The following SYNPR variants were observed in gnomAD, a reference collection of about 807,000 sequenced individuals.
SYNPR encodes synaptoporin.
In SYNPR, 23 loss-of-function variants were observed where a neutral mutation model predicts 32.9. The observed-to-expected ratio is 0.70, with a 90% confidence interval of 0.50 to 0.99. The LOEUF is 0.99. Among genes scored for constraint, SYNPR ranks in the 50% least tolerant of loss-of-function variants. SYNPR has a pLI of 0.00. For synonymous variants in SYNPR, 146 were observed against 135.9 expected (o/e 1.07, Z -0.52); for missense variants, 318 against 349.3 (o/e 0.91, Z 0.71).
rs567387238 is a variant in SYNPR, at chr3:63,300,091, A to G, written c.84+21349A>G. Among the ~76,000 whole-genome samples the G allele has an allele frequency of 1.6e-4, 24 of 152,158 alleles. 1 individual carries two copies. The South Asian group carries it at 2.7e-3, about 17-fold the overall frequency. ...ACTATGGTACTCAAGAGTGATTTGG[A>G]TATGTTTTTGATAATGGTTCCAAGC... On this transcript the variant is annotated intron_variant, in intron 2 of 5. Coordinates refer to ENST00000478300, the MANE Select transcript of SYNPR (RefSeq NM_001130003.2).
intron 2 of SYNPR, among the ~76,000 whole-genome samples, chr3:63,284,931 T>C (rs2086666526): frequency 6.6e-6 from 1 of 152,178 alleles, no homozygotes; most frequent in Non-Finnish European, 1.5e-5. Flanking sequence ...TCCAGGAGGC[T>C]CAAAGATGTT....
intron 2 of SYNPR, among the ~76,000 whole-genome samples, chr3:63,421,030 A>G (rs1699788949): frequency 6.6e-6 from 1 of 152,078 alleles, no homozygotes; most frequent in Non-Finnish European, 1.5e-5. Context: ...ACAGGCACAT[A>G]CCACCATGCC....
At chr3:63,592,096 A>G (rs1009116240) in intron 4 of SYNPR, among the ~76,000 whole-genome samples, 1 of 151,926 alleles carries the variant, frequency 6.6e-6, no homozygotes. Context: ...AGAAGAGACA[A>G]TGATACACAC....
At chr3:63,577,527 TA>T (rs1247499066) in intron 4 of SYNPR, among the ~76,000 whole-genome samples, 2 of 152,080 alleles carry the variant, frequency 1.3e-5, no homozygotes, top group African/African-American at 4.8e-5. Flanking sequence ...TGTGGGCTTC[TA>T]GGGGCAAATA....
the SYNPR span, among the ~76,000 whole-genome samples, chr3:63,221,775 A>G: frequency 6.6e-6 from 1 of 152,094 alleles, no homozygotes. Context: ...TAGCTGTATA[A>G]CCTCAGGAAA....
At chr3:63,302,794 T>A (rs2086870772) in intron 2 of SYNPR, among the ~76,000 whole-genome samples, 1 of 151,994 alleles carries the variant, frequency 6.6e-6, no homozygotes, top group South Asian at 2.1e-4. Context: ...TGATTAATTA[T>A]ACAAATATAT....
chr3:63,441,673 G>A (rs1332211910), intron 2 of SYNPR, among the ~76,000 whole-genome samples: 1 of 152,190 alleles, frequency 6.6e-6, no homozygotes. Flanking sequence ...CAATAAGCAG[G>A]TGAGGGGTGG....
At chr3:63,290,468 G>A (rs2086727871) in intron 2 of SYNPR, among the ~76,000 whole-genome samples, 1 of 152,114 alleles carries the variant, frequency 6.6e-6, no homozygotes, top group Admixed American at 6.5e-5. Context: ...AAGCTTAAAT[G>A]CCCTCATGAC....
At chr3:63,331,496 GA>G (rs1476531669) in intron 2 of SYNPR, among the ~76,000 whole-genome samples, 1 of 151,952 alleles carries the variant, frequency 6.6e-6, no homozygotes, top group Non-Finnish European at 1.5e-5. Flanking sequence ...ATAACAAAAG[GA>G]AGAGTAGTAA....
intron 5 of SYNPR, among the ~76,000 whole-genome samples, chr3:63,611,868 T>C (rs1163452521): frequency 1.3e-5 from 2 of 152,138 alleles, no homozygotes; most frequent in Non-Finnish European, 1.5e-5. Flanking sequence ...TCATCAGTTA[T>C]GAATAGAGGG....
At chr3:63,259,208 C>A (rs558247843) in intron 2 of SYNPR, among the ~76,000 whole-genome samples, 1 of 152,252 alleles carries the variant, frequency 6.6e-6, no homozygotes, top group East Asian at 1.9e-4. Flanking sequence ...CGGAATCCTC[C>A]CTAACTCATT....
At chr3:63,550,455 A>C (rs1702480669) in intron 3 of SYNPR, among the ~76,000 whole-genome samples, 1 of 151,664 alleles carries the variant, frequency 6.6e-6, no homozygotes, top group African/African-American at 2.4e-5. Flanking sequence ...ATATCCAGCT[A>C]TACATCATCA....
chr3:63,208,136 C>T, the SYNPR span, among the ~76,000 whole-genome samples: 1 of 152,110 alleles, frequency 6.6e-6, no homozygotes, highest in African/African-American at 2.4e-5. Context: ...TTCTGAAAGT[C>T]AGTAACTTCC....
intron 2 of SYNPR, among the ~76,000 whole-genome samples, chr3:63,466,178 T>C (rs1185776533): frequency 6.6e-6 from 1 of 152,196 alleles, no homozygotes; most frequent in Non-Finnish European, 1.5e-5. Context: ...TCTGTTCCTG[T>C]GTTAGTTTGC....
intron 3 of SYNPR, among the ~76,000 whole-genome samples, chr3:63,504,177 T>C (rs1235994456): frequency 6.6e-6 from 1 of 152,164 alleles, no homozygotes; most frequent in Non-Finnish European, 1.5e-5. Context: ...CATATACATC[T>C]ATGCATCCAC....
At chr3:63,596,599 T>A (rs1215612898) in intron 4 of SYNPR, among the ~76,000 whole-genome samples, 1 of 152,050 alleles carries the variant, frequency 6.6e-6, no homozygotes, top group Non-Finnish European at 1.5e-5. Context: ...TTGGTCACAC[T>A]GATTTGCTTT....
chr3:63,491,842 C>T (rs972420515), intron 3 of SYNPR, among the ~76,000 whole-genome samples: 118 of 152,266 alleles, frequency 7.7e-4, no homozygotes, highest in African/African-American at 2.6e-3. Flanking sequence ...GATTTAAATG[C>T]TACATAAGTA....
intron 4 of SYNPR, among the ~76,000 whole-genome samples, chr3:63,592,845 G>C (rs1355630650): frequency 6.6e-6 from 1 of 152,022 alleles, no homozygotes; most frequent in Non-Finnish European, 1.5e-5. Context: ...TTAATAGAGT[G>C]AACTTTCAGG....
chr3:63,395,655 G>T (rs1364366394), intron 2 of SYNPR, among the ~76,000 whole-genome samples: 1 of 152,108 alleles, frequency 6.6e-6, no homozygotes, highest in Non-Finnish European at 1.5e-5. Context: ...TACATGTGAG[G>T]TAATAGTAAT....
Sources: allele counts gnomAD v4.1 joint callset (sites outside exome capture counted in the v4.1 genomes callset), GRCh38; gene constraint gnomAD v4.1.1; transcripts MANE v1.5; gene names NCBI Gene and HGNC (gene_info 2026-07-23, HGNC 2026-07-21).